Variants in MGAT5 observed in about 807,000 individuals in gnomAD.
MGAT5 encodes alpha-1,6-mannosylglycoprotein 6-beta-N-acetylglucosaminyltransferase.
In MGAT5, 30 loss-of-function variants were observed where a neutral mutation model predicts 94.3. The ratio of observed to expected loss-of-function variants is 0.32; its 90% CI spans 0.24 to 0.43. MGAT5 has a LOEUF of 0.43. Among genes scored for constraint, MGAT5 ranks in the 20% least tolerant of loss-of-function variants. The pLI is 1.00. For synonymous variants in MGAT5, 310 were observed against 322.9 expected (o/e 0.96, Z 0.43); for missense variants, 691 against 905.5 (o/e 0.76, Z 3.04).
intron 1 of MGAT5, among the ~76,000 whole-genome samples, chr2:134,161,912 C>T (rs965797281): frequency 6.6e-6 from 1 of 151,856 alleles, no homozygotes; most frequent in Admixed American, 6.6e-5. Context: ...CATGTTTGGC[C>T]GGGCGCAGTG....
intron 11 of MGAT5, among the ~76,000 whole-genome samples, chr2:134,407,616 G>C (rs1405600918): frequency 6.6e-6 from 1 of 152,128 alleles, no homozygotes; most frequent in Non-Finnish European, 1.5e-5. Flanking sequence ...TTAAGTACTA[G>C]ATATATTCTA....
intron 7 of MGAT5, 149 bp downstream of exon 7, chr2:134,341,908 G>A: frequency 1.5e-6 from 1 of 647,678 alleles, no homozygotes; most frequent in Non-Finnish European, 2.5e-6. Flanking sequence ...TTATTTTCAG[G>A]AGCTAAATAC....
At chr2:134,429,254 C>G (rs545562528) in intron 14 of MGAT5, among the ~76,000 whole-genome samples, 24 of 152,246 alleles carry the variant, frequency 1.6e-4, no homozygotes, top group Admixed American at 1.4e-3. Flanking sequence ...CTAAGTAGGC[C>G]CAAGGTGGGC....
chr2:134,315,821 A>G (rs935232811), intron 2 of MGAT5, among the ~76,000 whole-genome samples: 4 of 152,146 alleles, frequency 2.6e-5, no homozygotes, highest in African/African-American at 7.2e-5. Flanking sequence ...GAAATAGGGT[A>G]TTTATTTTTA....
chr2:134,336,357 A>G lies in MGAT5; in HGVS notation c.645+69A>G, dbSNP rs145652137. 1,790 of 1,313,236 alleles carry G rather than the reference A, an allele frequency of 1.4e-3. 16 individuals carry two copies. The African/African-American group carries it at 0.023, about 17-fold the overall frequency. 81.3% of individuals were successfully genotyped at this position (1,313,236 alleles called of 1,614,324 possible). ...TCAGATGCCAAGTGATACATGTGGA[A>G]TCTTCTAGAAATGCCAACTATAACC... On this transcript the variant is annotated intron_variant, in intron 5 of 15. Coordinates refer to ENST00000281923, the MANE Select transcript of MGAT5 (RefSeq NM_002410.5).
At chr2:134,286,586 A>C (rs1685018927) in intron 2 of MGAT5, among the ~76,000 whole-genome samples, 1 of 151,614 alleles carries the variant, frequency 6.6e-6, no homozygotes, top group Non-Finnish European at 1.5e-5. Context: ...CACCCAGCTA[A>C]TTTTTGTATT....
rs531030105 is a variant in MGAT5 at position 134,147,017 on chromosome 2, TA to T, written c.-143+26735del. Among the ~76,000 whole-genome samples the T allele has an allele frequency of 1.2e-4, 18 of 151,476 alleles. 1 individual carries two copies. The highest frequency in any genetic ancestry group is 2.9e-4 in the African/African-American group (12 of 41,292). ...CGAAGAAAATATTTTATTGTTTAGT[TA>T]AAAAAAAACCCTTTTAATTTATAAC... On this transcript the variant is annotated intron_variant, in intron 1 of 16. Coordinates refer to the MGAT5 transcript ENST00000409645.
chr2:134,147,831 C>T (rs946693858), intron 1 of MGAT5, among the ~76,000 whole-genome samples: 5 of 152,274 alleles, frequency 3.3e-5, no homozygotes, highest in East Asian at 3.9e-4. Flanking sequence ...AAAAAATAGA[C>T]GCTGAGTTCT....
intron 1 of MGAT5, among the ~76,000 whole-genome samples, chr2:134,198,556 G>A (rs1420986747): frequency 5.9e-5 from 9 of 152,168 alleles, no homozygotes; most frequent in South Asian, 2.1e-4. Flanking sequence ...CTGGAATTCC[G>A]TTGGTGTAGG....
At chr2:134,139,130 T>C (rs1686550089) in intron 1 of MGAT5, among the ~76,000 whole-genome samples, 1 of 152,150 alleles carries the variant, frequency 6.6e-6, no homozygotes, top group Non-Finnish European at 1.5e-5. Context: ...ACTAGAGATC[T>C]TCTTTCATGT....
chr2:134,178,206 T>C (rs1263482034), intron 1 of MGAT5, among the ~76,000 whole-genome samples: 1 of 152,210 alleles, frequency 6.6e-6, no homozygotes, highest in East Asian at 1.9e-4. Flanking sequence ...AAATTGCTTC[T>C]AGAGCCAGTG....
rs554037759 is a variant in MGAT5, at chr2:134,417,807, T to C, written c.1677+4792T>C. On this transcript the variant is annotated intron_variant, in intron 12 of 15. Coordinates refer to ENST00000281923, the MANE Select transcript of MGAT5 (RefSeq NM_002410.5). ...AGCAGTGGATTTGTATAGTGTCACATACTATACAAATAAATACAGTATTTA... is the reference window on the plus strand; with the variant it reads ...AGCAGTGGATTTGTATAGTGTCACACACTATACAAATAAATACAGTATTTA... 5.9e-5 allele frequency among the ~76,000 whole-genome samples: 9 copies of C among 152,290 alleles called. No homozygotes were observed. The East Asian group carries it at 1.7e-3, about 29-fold the overall frequency.
At chr2:134,234,705 G>A (rs1036458983) in intron 1 of MGAT5, among the ~76,000 whole-genome samples, 1 of 152,236 alleles carries the variant, frequency 6.6e-6, no homozygotes, top group Non-Finnish European at 1.5e-5. Context: ...GGTGAATGAG[G>A]GCTGGAAGCC....
intron 1 of MGAT5, among the ~76,000 whole-genome samples, chr2:134,217,270 T>TG (rs1553495169): frequency 6.6e-6 from 1 of 151,126 alleles, no homozygotes; most frequent in Non-Finnish European, 1.5e-5. Flanking sequence ...TGTGTGTGTG[T>TG]AAAATATACC....
At position 134,355,676 on chromosome 2, in the gene MGAT5, A is replaced by T. The variant is rs114640166; in HGVS notation, c.1246+5738A>T. ...GCGAAGGCATTTGCCTTTACCATTTAGAAGAGAAAGCTCTAAAATTGATGA... is the reference window on the plus strand; with the variant it reads ...GCGAAGGCATTTGCCTTTACCATTTTGAAGAGAAAGCTCTAAAATTGATGA... On this transcript the variant is annotated intron_variant, in intron 9 of 15. Transcript: ENST00000281923. Among the ~76,000 whole-genome samples, 1,183 of 152,354 alleles carry T rather than the reference A, an allele frequency of 7.8e-3. 22 individuals are homozygous for T. The highest frequency in any genetic ancestry group is 0.027 in the African/African-American group (1,133 of 41,586).
chr2:134,348,574 A>T (rs1252740042), intron 8 of MGAT5, among the ~76,000 whole-genome samples: 1 of 152,220 alleles, frequency 6.6e-6, no homozygotes, highest in East Asian at 1.9e-4. Context: ...AGTGAAAATA[A>T]AAGTTGAAAG....
chr2:134,444,181 T>C (rs1171870098), intron 15 of MGAT5, among the ~76,000 whole-genome samples: 1 of 152,222 alleles, frequency 6.6e-6, no homozygotes. Flanking sequence ...AGAACACCCC[T>C]TTCTTCCAGA....
At chr2:134,201,816 CTTT>C (rs554227745) in intron 1 of MGAT5, among the ~76,000 whole-genome samples, 3 of 67,876 alleles carry the variant, frequency 4.4e-5, no homozygotes, top group South Asian at 3.8e-4. Context: ...CCAAGCGCTG[CTTT>C]TTTTTTTTTT....
chr2:134,396,194 A>G (rs925528742), intron 10 of MGAT5, among the ~76,000 whole-genome samples: 17 of 152,164 alleles, frequency 1.1e-4, no homozygotes, highest in African/African-American at 3.6e-4. Flanking sequence ...GTGGGACACA[A>G]CAAGGACCAC....
Sources: allele counts gnomAD v4.1 joint callset (sites outside exome capture counted in the v4.1 genomes callset), GRCh38; gene constraint gnomAD v4.1.1; transcripts MANE v1.5; gene names NCBI Gene and HGNC (gene_info 2026-07-23, HGNC 2026-07-21).